The following PRLR variants were observed in gnomAD, a reference collection of about 807,000 sequenced individuals.
PRLR encodes the protein prolactin receptor.
A neutral mutation model predicts 40.2 loss-of-function variants in PRLR; 13 were observed. The ratio of observed to expected loss-of-function variants is 0.32; its 90% CI spans 0.21 to 0.51. The LOEUF (loss-of-function observed/expected upper bound fraction) is 0.51, where lower values mean the gene tolerates loss of function less well. PRLR is among the 20% of genes least tolerant of loss of function. The pLI is 0.97. For synonymous variants in PRLR, 269 were observed against 278.7 expected (o/e 0.97, Z 0.35); for missense variants, 656 against 747.3 (o/e 0.88, Z 1.42).
chr5:35,152,324 C>T (rs144794339), intron 1 of PRLR, among the ~76,000 whole-genome samples: 5 of 152,050 alleles, frequency 3.3e-5, no homozygotes, highest in Non-Finnish European at 7.4e-5. Flanking sequence ...CATGGTAAGA[C>T]GCATGAATAA....
In PRLR at chr5:35,057,335, A is replaced by G. The variant is rs906696700; in HGVS notation, c.*7754T>C. ...ATCTTTTGGTAACAAGAAATGTCCA[A>G]AAAATTGCTTCAGCCATGAATGTGT... On this transcript the variant is annotated 3_prime_UTR_variant, in exon 10 of 10. Coordinates refer to ENST00000618457, the MANE Select transcript of PRLR (RefSeq NM_000949.7). 1.3e-5 allele frequency: 2 copies of G among 152,160 alleles called. No homozygotes were observed. Among genetic ancestry groups the G allele is most frequent in the Admixed American group, 1.3e-4 (2 of 15,274 alleles). The allele number at this position is 152,160 out of a possible 1,614,324, so 9.4% of individuals were successfully genotyped here. A position where few individuals can be genotyped will look rare whatever the true frequency, so the allele number is the denominator to read the frequency against.
chr5:35,102,247 G>A (rs1323760836), intron 2 of PRLR, among the ~76,000 whole-genome samples: 1 of 152,030 alleles, frequency 6.6e-6, no homozygotes, highest in Non-Finnish European at 1.5e-5. Flanking sequence ...GTGTGATATG[G>A]TGGATATAGG....
intron 2 of PRLR, among the ~76,000 whole-genome samples, chr5:35,108,397 T>G (rs148035015): frequency 0.028 from 4,288 of 152,194 alleles, 101 homozygotes; most frequent in Middle Eastern, 0.1. Context: ...GAGAAAGAAA[T>G]AAAGGGTATT....
chr5:35,223,153 A>C (rs931475910), intron 1 of PRLR, among the ~76,000 whole-genome samples: 1 of 152,260 alleles, frequency 6.6e-6, no homozygotes, highest in African/African-American at 2.4e-5. Flanking sequence ...GTGCATGTAT[A>C]TACAGTTTCT....
At chr5:35,164,470 C>A (rs1774764548) in intron 1 of PRLR, among the ~76,000 whole-genome samples, 1 of 151,958 alleles carries the variant, frequency 6.6e-6, no homozygotes, top group Non-Finnish European at 1.5e-5. Flanking sequence ...GCATTCCGGG[C>A]AATGAAAATA....
At chr5:35,189,209 A>G (rs115740012) in intron 1 of PRLR, among the ~76,000 whole-genome samples, 2 of 152,312 alleles carry the variant, frequency 1.3e-5, no homozygotes, top group African/African-American at 2.4e-5. Flanking sequence ...CATGGCACAG[A>G]TTCTTCCTCA....
At chr5:35,189,691 C>T (rs182758387) in intron 1 of PRLR, among the ~76,000 whole-genome samples, 30 of 152,188 alleles carry the variant, frequency 2.0e-4, no homozygotes, top group South Asian at 1.7e-3. Context: ...GGAGTCAAGA[C>T]GCCGGAGTTC....
intron 1 of PRLR, among the ~76,000 whole-genome samples, chr5:35,118,607 G>A (rs970333923): frequency 2.0e-5 from 3 of 152,278 alleles, no homozygotes; most frequent in Admixed American, 6.5e-5. Context: ...AATTTTGCCA[G>A]TTATCCTAGT....
At chr5:35,160,698 G>A (rs1774649449) in intron 1 of PRLR, among the ~76,000 whole-genome samples, 1 of 152,156 alleles carries the variant, frequency 6.6e-6, no homozygotes, top group Admixed American at 6.5e-5. Context: ...TGTCTGACAT[G>A]GTTGGCTCCA....
exon 9 of PRLR, chr5:35,049,146 C>T (rs1453777857): frequency 2.9e-6 from 2 of 697,360 alleles, no homozygotes; most frequent in East Asian, 2.7e-5. Flanking sequence ...TATGAGCTGG[C>T]TGGTCACGTG....
At chr5:35,223,498 T>G (rs1776472829) in intron 1 of PRLR, among the ~76,000 whole-genome samples, 1 of 152,170 alleles carries the variant, frequency 6.6e-6, no homozygotes, top group African/African-American at 2.4e-5. Context: ...ACTGTTCTTT[T>G]CCACATCACG....
intron 9 of PRLR, among the ~76,000 whole-genome samples, chr5:35,066,560 C>T (rs1769380432): frequency 6.6e-6 from 1 of 151,582 alleles, no homozygotes; most frequent in African/African-American, 2.4e-5. Flanking sequence ...TCTTCCTTCT[C>T]TCCTTCCTCT....
At chr5:35,168,886 G>A (rs1467234156) in intron 1 of PRLR, among the ~76,000 whole-genome samples, 6 of 152,078 alleles carry the variant, frequency 3.9e-5, no homozygotes, top group Middle Eastern at 3.4e-3. Context: ...TACTAATATA[G>A]GACTTCAGTA....
intron 1 of PRLR, among the ~76,000 whole-genome samples, chr5:35,163,240 C>T (rs1027518190): frequency 3.3e-5 from 5 of 152,154 alleles, no homozygotes; most frequent in Non-Finnish European, 7.3e-5. Flanking sequence ...TTCTCCCCCT[C>T]GAAATCGTCT....
In PRLR at chr5:35,217,495, A is replaced by G. The variant is rs189278417; in HGVS notation, c.-106+12773T>C. ...TTAGAAAGGAAGCTCCAGGGCCACTAAAGAGTCACTGCTACTACTACTGGG... is the reference window on the plus strand; with the variant it reads ...TTAGAAAGGAAGCTCCAGGGCCACTGAAGAGTCACTGCTACTACTACTGGG... On this transcript the variant is annotated intron_variant, in intron 1 of 9. Coordinates refer to ENST00000618457, the MANE Select transcript of PRLR (RefSeq NM_000949.7). 1.9e-3 allele frequency among the ~76,000 whole-genome samples: 291 copies of G among 152,322 alleles called. 2 individuals carry two copies. Among genetic ancestry groups the G allele is most frequent in the African/African-American group, 6.8e-3 (283 of 41,564 alleles).
intron 1 of PRLR, among the ~76,000 whole-genome samples, chr5:35,180,279 C>G (rs1234892776): frequency 6.6e-6 from 1 of 152,194 alleles, no homozygotes; most frequent in Non-Finnish European, 1.5e-5. Context: ...TGGTTTCTAA[C>G]AGGCCATGGA....
At chr5:35,106,696 C>A (rs1455789759) in intron 2 of PRLR, among the ~76,000 whole-genome samples, 1 of 152,138 alleles carries the variant, frequency 6.6e-6, no homozygotes, top group Non-Finnish European at 1.5e-5. Flanking sequence ...TATACATGCA[C>A]CCAATACAGG....
At chr5:35,151,989 C>T (rs1247883614) in intron 1 of PRLR, among the ~76,000 whole-genome samples, 5 of 152,070 alleles carry the variant, frequency 3.3e-5, no homozygotes, top group Admixed American at 6.6e-5. Context: ...GTTACCACAC[C>T]GTAATTTATC....
At chr5:35,099,577 T>C (rs892662278) in intron 2 of PRLR, among the ~76,000 whole-genome samples, 1 of 152,188 alleles carries the variant, frequency 6.6e-6, no homozygotes, top group African/African-American at 2.4e-5. Flanking sequence ...CTCAGGCAGA[T>C]CCTTCAGGAG....
Sources: allele counts gnomAD v4.1 joint callset (sites outside exome capture counted in the v4.1 genomes callset), GRCh38; gene constraint gnomAD v4.1.1; transcripts MANE v1.5; gene names NCBI Gene and HGNC (gene_info 2026-07-23, HGNC 2026-07-21).